The following RAD51B variants were observed in gnomAD, a reference collection of about 807,000 sequenced individuals.
RAD51B encodes DNA repair protein RAD51 homolog 2.
RAD51B carries 38 observed loss-of-function variants against 42.2 expected under a neutral mutation model. That is an observed-to-expected ratio of 0.90 (90% confidence interval 0.70 to 1.18). The LOEUF (loss-of-function observed/expected upper bound fraction) is 1.18. RAD51B is among the 50% of genes most tolerant of loss of function. The probability of loss-of-function intolerance (pLI) is 0.00; values close to 1 mark genes in which losing one functional copy is unlikely to be tolerated. For missense variants in RAD51B, 373 were observed against 400.7 expected (o/e 0.93, Z 0.59); for synonymous variants, 154 against 145.2 (o/e 1.06, Z -0.43).
At chr14:68,595,706 C>G (rs774264679) in exon 11 of RAD51B, 1 of 801,582 alleles carries the variant, frequency 1.2e-6, no homozygotes, top group Non-Finnish European at 1.6e-6. Flanking sequence ...AACATCTATA[C>G]GATGGAATAC....
At chr14:67,840,194 T>C (rs146608147) in intron 4 of RAD51B, among the ~76,000 whole-genome samples, 4 of 152,212 alleles carry the variant, frequency 2.6e-5, no homozygotes, top group African/African-American at 7.2e-5. Flanking sequence ...TATTGCGTGA[T>C]GCTGAGGTTT....
intron 9 of RAD51B, among the ~76,000 whole-genome samples, chr14:68,427,703 T>C (rs1157227743): frequency 2.6e-5 from 4 of 152,232 alleles, no homozygotes; most frequent in Non-Finnish European, 5.9e-5. Context: ...CTCACTCATA[T>C]ATGATTTAGA....
intron 7 of RAD51B, among the ~76,000 whole-genome samples, chr14:68,180,948 C>T (rs17105102): frequency 0.014 from 2,203 of 152,302 alleles, 61 homozygotes; most frequent in African/African-American, 0.05. Flanking sequence ...TTATCATCAC[C>T]TCCACATAGC....
chr14:67,940,981 A>C (rs1487091869), intron 7 of RAD51B, among the ~76,000 whole-genome samples: 2 of 152,146 alleles, frequency 1.3e-5, no homozygotes, highest in African/African-American at 4.8e-5. Flanking sequence ...ACCGTGCAGA[A>C]TATTTGTGGG....
chr14:68,085,325 G>A (rs932231424), intron 7 of RAD51B, among the ~76,000 whole-genome samples: 1 of 152,174 alleles, frequency 6.6e-6, no homozygotes, highest in Non-Finnish European at 1.5e-5. Flanking sequence ...TATATAGCTA[G>A]TTTAATTGAA....
intron 7 of RAD51B, among the ~76,000 whole-genome samples, chr14:67,947,442 G>A (rs550861509): frequency 2.6e-5 from 4 of 152,132 alleles, no homozygotes; most frequent in East Asian, 1.9e-4. Flanking sequence ...GACTGTGTTC[G>A]GTTTACCTTG....
At chr14:68,463,095 C>T (rs1038366350) in intron 9 of RAD51B, among the ~76,000 whole-genome samples, 2 of 152,146 alleles carry the variant, frequency 1.3e-5, no homozygotes, top group African/African-American at 4.8e-5. Context: ...CTAAGTCAGA[C>T]AATGATTAGA....
At chr14:68,675,326 A>T (rs1352673680) in intron 11 of RAD51B, among the ~76,000 whole-genome samples, 1 of 152,216 alleles carries the variant, frequency 6.6e-6, no homozygotes, top group Non-Finnish European at 1.5e-5. Context: ...TATCTGGCAC[A>T]GATCCAACAT....
intron 7 of RAD51B, among the ~76,000 whole-genome samples, chr14:68,119,400 G>A (rs1193400867): frequency 1.4e-4 from 21 of 148,808 alleles, no homozygotes; most frequent in Non-Finnish European, 2.7e-4. Flanking sequence ...CATGTGCCAT[G>A]CTGGTGTGCT....
intron 7 of RAD51B, among the ~76,000 whole-genome samples, chr14:68,063,500 C>G (rs978624037): frequency 2.6e-5 from 4 of 152,100 alleles, no homozygotes; most frequent in Non-Finnish European, 5.9e-5. Context: ...CTTTGGGAGG[C>G]CGAAGCGGGC....
At chr14:68,200,894 G>A (rs879339806) in intron 7 of RAD51B, among the ~76,000 whole-genome samples, 1 of 152,026 alleles carries the variant, frequency 6.6e-6, no homozygotes, top group Non-Finnish European at 1.5e-5. Context: ...CTGGACTCGA[G>A]CAATCCTCCC....
At chr14:68,384,355 G>A (rs181095411) in intron 8 of RAD51B, among the ~76,000 whole-genome samples, 142 of 152,256 alleles carry the variant, frequency 9.3e-4, no homozygotes, top group Non-Finnish European at 1.5e-5. Flanking sequence ...AAAGTACAAG[G>A]CAGGATTTCC....
intron 10 of RAD51B, among the ~76,000 whole-genome samples, chr14:68,550,647 G>A (rs1012498492): frequency 1.3e-5 from 2 of 152,228 alleles, no homozygotes; most frequent in Non-Finnish European, 2.9e-5. Flanking sequence ...CCCTGCAAAT[G>A]TTGTTTCATG....
At chr14:68,580,622 C>T (rs1286801021) in intron 10 of RAD51B, among the ~76,000 whole-genome samples, 1 of 152,170 alleles carries the variant, frequency 6.6e-6, no homozygotes, top group Non-Finnish European at 1.5e-5. Flanking sequence ...TTGTTCTTAG[C>T]TGTAGCCCTT....
At chr14:68,072,160 T>A (rs1395808219) in intron 7 of RAD51B, among the ~76,000 whole-genome samples, 3 of 138,256 alleles carry the variant, frequency 2.2e-5, no homozygotes, top group Non-Finnish European at 4.6e-5. Flanking sequence ...ATATATATTT[T>A]TTTCTAGGTT....
intron 8 of RAD51B, among the ~76,000 whole-genome samples, chr14:68,305,628 G>T (rs2081844598): frequency 6.6e-6 from 1 of 152,218 alleles, no homozygotes; most frequent in South Asian, 2.1e-4. Flanking sequence ...TTCACAGAAA[G>T]GAGAGATCAT....
chr14:68,221,338 T>C (rs1269934147), intron 7 of RAD51B, among the ~76,000 whole-genome samples: 1 of 151,932 alleles, frequency 6.6e-6, no homozygotes. Flanking sequence ...GGTATAAAAA[T>C]AGACACATAG....
chr14:68,661,067 C>G (rs1438098576), intron 11 of RAD51B, among the ~76,000 whole-genome samples: 1 of 152,182 alleles, frequency 6.6e-6, no homozygotes, highest in African/African-American at 2.4e-5. Flanking sequence ...GAAGGCCAGC[C>G]ATTTAGGAAG....
In RAD51B at chr14:68,475,150, GT is replaced by G. The variant is rs527548112; in HGVS notation, c.1037-2495del. 1.6e-4 allele frequency among the ~76,000 whole-genome samples: 24 copies of G among 152,264 alleles called. 1 individual carries two copies. The highest frequency in any genetic ancestry group is 5.1e-4 in the African/African-American group (21 of 41,558). On this transcript the variant is annotated intron_variant, in intron 10 of 10. Transcript: ENST00000471583. Reference sequence around the variant, plus strand: ...ACCAGAAGTTATACACATTATTTCTGTTTATATGATGTTGGCCAGTCTGTAA... The same window carrying G: ...ACCAGAAGTTATACACATTATTTCTGTTATATGATGTTGGCCAGTCTGTAA...
Sources: gnomAD v4.1 joint callset for allele counts (sites outside exome capture counted in the v4.1 genomes callset) on GRCh38, gnomAD v4.1.1 for gene constraint, MANE v1.5 for transcripts, NCBI Gene and HGNC (gene_info 2026-07-23, HGNC 2026-07-21) for gene names.